The following SERPINI1 variants were observed in gnomAD, a reference collection of about 807,000 sequenced individuals.
The protein encoded by SERPINI1 is neuroserpin.
SERPINI1 carries 19 observed loss-of-function variants against 41.1 expected under a neutral mutation model. The observed-to-expected ratio is 0.46, with a 90% confidence interval of 0.32 to 0.68. The LOEUF (loss-of-function observed/expected upper bound fraction) is 0.68, where lower values mean the gene tolerates loss of function less well. SERPINI1 is among the 30% of genes least tolerant of loss of function. The pLI, the probability that SERPINI1 is intolerant of heterozygous loss-of-function variation, is 0.03. For missense variants in SERPINI1, 460 were observed against 479.2 expected (o/e 0.96, Z 0.37); for synonymous variants, 138 against 156.6 (o/e 0.88, Z 0.89).
intron 5 of SERPINI1, 132 bp downstream of exon 5, chr3:167,794,956 C>A: frequency 1.4e-6 from 1 of 723,726 alleles, no homozygotes; most frequent in Non-Finnish European, 2.4e-6. Flanking sequence ...TCTTGTTCTT[C>A]TCCTTCTCTT....
chr3:167,794,965 T>C (rs1727664676), intron 5 of SERPINI1, 141 bp downstream of exon 5: 17 of 692,806 alleles, frequency 2.5e-5, no homozygotes, highest in Middle Eastern at 3.9e-4. Context: ...TCTCCTTCTC[T>C]TTCTCCTTCT....
chr3:167,812,465 C>A (rs1711925582), intron 6 of SERPINI1, among the ~76,000 whole-genome samples: 1 of 152,164 alleles, frequency 6.6e-6, no homozygotes, highest in African/African-American at 2.4e-5. Flanking sequence ...CTTTAATATC[C>A]CCAATTTCAT....
At chr3:167,751,225 C>G (rs1439243495) in intron 1 of SERPINI1, among the ~76,000 whole-genome samples, 1 of 152,152 alleles carries the variant, frequency 6.6e-6, no homozygotes, top group East Asian at 1.9e-4. Flanking sequence ...GCAGACTCCT[C>G]TATTCTCCAT....
At chr3:167,742,818 T>TTGTGTGTGTGTGTGTGTG (rs10576293) in intron 1 of SERPINI1, among the ~76,000 whole-genome samples, 1 of 145,000 alleles carries the variant, frequency 6.9e-6, no homozygotes, top group East Asian at 2.1e-4. Flanking sequence ...TTGTGCCGTT[T>TTGTGTGTGTGTGTGTGTG]TGTGTGTGTG....
chr3:167,755,827 G>A lies in SERPINI1; in HGVS notation c.-19+20004G>A, dbSNP rs116818708. On this transcript the variant is annotated intron_variant, in intron 1 of 8. Coordinates refer to ENST00000446050, the MANE Select transcript of SERPINI1 (RefSeq NM_001122752.2). ...TTTTTTTTTTTTTTGGCTGTGGTCC[G>A]TCCTGCAGACCCCAGCTGCATGACG... is the stretch of plus-strand genomic sequence containing the variant. Among the ~76,000 whole-genome samples the A allele has an allele frequency of 9.2e-3, 1,207 of 131,544 alleles. 18 individuals are homozygous for A. The highest frequency in any genetic ancestry group is 0.034 in the African/African-American group (1,140 of 33,170). The allele number at this position is 131,544 out of a possible 152,430, so 86.3% of individuals were successfully genotyped here.
chr3:167,800,757 A>C (rs1331741143), intron 5 of SERPINI1, among the ~76,000 whole-genome samples: 1 of 151,198 alleles, frequency 6.6e-6, no homozygotes, highest in Admixed American at 6.6e-5. Context: ...ATGTTTGTAA[A>C]GAAAACTACA....
intron 1 of SERPINI1, among the ~76,000 whole-genome samples, chr3:167,741,360 A>G (rs542735536): frequency 6.6e-6 from 1 of 152,324 alleles, no homozygotes; most frequent in Non-Finnish European, 1.5e-5. Flanking sequence ...AGTGATTTCT[A>G]TAGCACAGCC....
chr3:167,779,590 T>A (rs1411298951), intron 1 of SERPINI1, among the ~76,000 whole-genome samples: 1 of 152,186 alleles, frequency 6.6e-6, no homozygotes, highest in Non-Finnish European at 1.5e-5. Flanking sequence ...AACCTAGAAA[T>A]GTATGTTTTC....
At chr3:167,773,988 C>T (rs7613421) in intron 1 of SERPINI1, among the ~76,000 whole-genome samples, 4,409 of 152,118 alleles carry the variant, frequency 0.029, 229 homozygotes, top group African/African-American at 0.1. Flanking sequence ...GTTGGTGTTC[C>T]ATATCAGTTA....
At chr3:167,770,067 T>G (rs1378991634) in intron 1 of SERPINI1, among the ~76,000 whole-genome samples, 2 of 151,394 alleles carry the variant, frequency 1.3e-5, no homozygotes, top group Non-Finnish European at 2.9e-5. Flanking sequence ...TTTGTCACAC[T>G]TGGGCCTTCT....
rs13067847 is a variant in SERPINI1, at chr3:167,790,233, A to G, written c.251-139A>G. ...ATAGTACAAGTATTGGACCATATCA[A>G]TGTGGGGGAAAGCCTGGCACTTTTC... On this transcript the variant is annotated intron_variant, in intron 2 of 8. Coordinates refer to ENST00000446050, the MANE Select transcript of SERPINI1 (RefSeq NM_001122752.2). 67,511 of 674,146 alleles carry G rather than the reference A, an allele frequency of 0.1. 4,115 individuals are homozygous for G. The highest frequency in any genetic ancestry group is 0.21 in the African/African-American group (11,614 of 55,628). 41.8% of individuals were successfully genotyped at this position (674,146 alleles called of 1,614,324 possible). A position where few individuals can be genotyped will look rare whatever the true frequency, so the allele number is the denominator to read the frequency against.
intron 1 of SERPINI1, among the ~76,000 whole-genome samples, chr3:167,756,281 C>A (rs1726189938): frequency 6.6e-6 from 1 of 152,070 alleles, no homozygotes; most frequent in South Asian, 2.1e-4. Flanking sequence ...TTTACAATTT[C>A]TCCCACCATC....
At chr3:167,783,316 G>T (rs1387258236) in intron 1 of SERPINI1, among the ~76,000 whole-genome samples, 1 of 152,070 alleles carries the variant, frequency 6.6e-6, no homozygotes. Context: ...AGATGGAGGG[G>T]AGTCAAATGC....
At chr3:167,760,650 G>A in intron 1 of SERPINI1, among the ~76,000 whole-genome samples, 1 of 151,366 alleles carries the variant, frequency 6.6e-6, no homozygotes, top group South Asian at 2.1e-4. Context: ...TAAACGCTAT[G>A]GGTTGTTTAA....
chr3:167,755,090 T>G (rs1397497440), intron 1 of SERPINI1, among the ~76,000 whole-genome samples: 1 of 152,202 alleles, frequency 6.6e-6, no homozygotes, highest in Non-Finnish European at 1.5e-5. Flanking sequence ...ATTCCAGTCT[T>G]TCAACAATCC....
At chr3:167,792,941 G>A (rs1436479352) in intron 4 of SERPINI1, among the ~76,000 whole-genome samples, 157 bp downstream of exon 4, 3 of 152,072 alleles carry the variant, frequency 2.0e-5, no homozygotes, top group Admixed American at 6.6e-5. Flanking sequence ...ATTAGTTTCT[G>A]AGTAAATATT....
chr3:167,773,850 CTT>C (rs1179270965), intron 1 of SERPINI1, among the ~76,000 whole-genome samples: 2 of 152,146 alleles, frequency 1.3e-5, no homozygotes, highest in African/African-American at 4.8e-5. Context: ...GTTACTTTGA[CTT>C]TCACCACAGT....
At chr3:167,797,755 A>G (rs1178966945) in intron 5 of SERPINI1, among the ~76,000 whole-genome samples, 1 of 149,628 alleles carries the variant, frequency 6.7e-6, no homozygotes, top group Admixed American at 6.7e-5. Context: ...TTTTTTATGT[A>G]TGATAATTGA....
At position 167,786,104 on chromosome 3, in the gene SERPINI1, G is replaced by A. The variant is rs572422899; in HGVS notation, c.-18-3007G>A. On this transcript the variant is annotated intron_variant, in intron 1 of 8. Coordinates refer to ENST00000446050, the MANE Select transcript of SERPINI1 (RefSeq NM_001122752.2). Reference sequence around the variant, plus strand: ...GTTACTGTACTGAATATGGTAGGCAGTTGTAACACAGTGGTATTTGTGTAT... The same window carrying A: ...GTTACTGTACTGAATATGGTAGGCAATTGTAACACAGTGGTATTTGTGTAT... Among the ~76,000 whole-genome samples the A allele has an allele frequency of 1.4e-4, 22 of 152,344 alleles. No individual in the cohort carries two copies. The South Asian group carries it at 1.4e-3, about 10-fold the overall frequency.
Sources: gnomAD v4.1 joint callset for allele counts (sites outside exome capture counted in the v4.1 genomes callset) on GRCh38, gnomAD v4.1.1 for gene constraint, MANE v1.5 for transcripts, NCBI Gene and HGNC (gene_info 2026-07-23, HGNC 2026-07-21) for gene names.